The following AKAP13 variants were observed in gnomAD, a reference collection of about 807,000 sequenced individuals.
AKAP13 encodes the protein A-kinase anchoring protein 13.
In AKAP13, 80 loss-of-function variants were observed where a neutral mutation model predicts 264.5. The ratio of observed to expected loss-of-function variants is 0.30; its 90% CI spans 0.25 to 0.36. The LOEUF (loss-of-function observed/expected upper bound fraction) is 0.36. Ranked by LOEUF, AKAP13 falls within the 10% of genes least tolerant of loss-of-function variation. The probability of loss-of-function intolerance (pLI) is 1.00; values close to 1 mark genes in which losing one functional copy is unlikely to be tolerated. For synonymous variants in AKAP13, 1,380 were observed against 1,250.2 expected (o/e 1.10, Z -2.19); for missense variants, 3,712 against 3,435.2 (o/e 1.08, Z -2.01).
At chr15:85,505,075 A>G (rs1187290297) in intron 2 of AKAP13, among the ~76,000 whole-genome samples, 1 of 152,226 alleles carries the variant, frequency 6.6e-6, no homozygotes, top group East Asian at 1.9e-4. Context: ...CATTGAAACA[A>G]GAAGAACTTA....
chr15:85,439,264 A>T (rs1190178498), intron 1 of AKAP13, among the ~76,000 whole-genome samples: 5 of 145,928 alleles, frequency 3.4e-5, no homozygotes, highest in Admixed American at 1.4e-4. Flanking sequence ...TCAAAACCAC[A>T]ATGAGATACC....
At chr15:85,717,521 T>C (rs1434155702) in intron 21 of AKAP13, 119 bp downstream of exon 21, 2 of 724,352 alleles carry the variant, frequency 2.8e-6, no homozygotes, top group Non-Finnish European at 4.6e-6. Context: ...CCGTGAAGAT[T>C]CTCTAAATTG....
chr15:85,658,528 C>G lies in AKAP13; in HGVS notation c.4746-9C>G, dbSNP rs2083202010. The G allele has an allele frequency of 1.9e-6, 3 of 1,613,684 alleles. No homozygotes were observed. Among genetic ancestry groups the G allele is most frequent in the Non-Finnish European group, 2.5e-6 (3 of 1,179,770 alleles). ...CTGCAACACTGACCTCTTCACCATT[C>G]ATTTTCAGTTCAATGCGAGTTCTTG... is the stretch of plus-strand genomic sequence containing the variant. On this transcript the variant is annotated splice_polypyrimidine_tract_variant and intron_variant, in intron 11 of 36. Coordinates refer to ENST00000394518, the MANE Select transcript of AKAP13 (RefSeq NM_007200.5).
At chr15:85,652,330 G>T (rs1459192819) in intron 10 of AKAP13, among the ~76,000 whole-genome samples, 1 of 152,174 alleles carries the variant, frequency 6.6e-6, no homozygotes, top group Non-Finnish European at 1.5e-5. Flanking sequence ...ATCCTTCCAA[G>T]ATTGGATGCC....
intron 2 of AKAP13, among the ~76,000 whole-genome samples, chr15:85,517,820 A>C (rs557128319): frequency 6.6e-6 from 1 of 152,220 alleles, no homozygotes; most frequent in Non-Finnish European, 1.5e-5. Flanking sequence ...ATCTGTCAGC[A>C]AAACTAATTA....
chr15:85,398,273 T>C (rs752315795), intron 1 of AKAP13, among the ~76,000 whole-genome samples: 2 of 152,262 alleles, frequency 1.3e-5, no homozygotes, highest in Admixed American at 6.5e-5. Flanking sequence ...TTTCATGATT[T>C]ATGAAAGACA....
intron 5 of AKAP13, chr15:85,555,628 A>G (rs534175189): frequency 1.9e-6 from 1 of 525,126 alleles, no homozygotes; most frequent in Admixed American, 2.5e-5. Context: ...AGGATCAGAA[A>G]AGTGTTCTTC....
chr15:85,414,007 C>G (rs1165106127), intron 1 of AKAP13, among the ~76,000 whole-genome samples: 3 of 151,940 alleles, frequency 2.0e-5, no homozygotes, highest in Non-Finnish European at 4.4e-5. Flanking sequence ...TTTTTACCAC[C>G]TCAGTGGAAA....
Position 85,654,204 on chromosome 15 carries a change from A to G in AKAP13, c.4375-1213A>G, listed in dbSNP as rs1226793180. ...GCCAGTTCTCAGTGAAATGAGAAAA[A>G]TGTATAGCTTTCTTCCATTTAGATA... On this transcript the variant is annotated intron_variant, in intron 10 of 36. Transcript: ENST00000394518. 2.6e-5 allele frequency among the ~76,000 whole-genome samples: 4 copies of G among 152,362 alleles called. No homozygotes were observed. The East Asian group carries it at 5.8e-4, about 22-fold the overall frequency.
intron 5 of AKAP13, chr15:85,544,167 C>G: frequency 4.3e-6 from 3 of 693,466 alleles, no homozygotes; most frequent in Non-Finnish European, 7.8e-6. Context: ...ACCATTTTCT[C>G]TCTCGTCTGC....
Position 85,613,715 on chromosome 15 carries a change from A to ATATGTATGTATATATATATATATATATAT in AKAP13, c.4162-25659_4162-25658insTATGTATGTATATATATATATATATATAT, listed in dbSNP as rs1421387238. 1.8e-4 allele frequency among the ~76,000 whole-genome samples: 14 copies of ATATGTATGTATATATATATATATATATAT among 77,060 alleles called. No homozygotes were observed. The East Asian group carries it at 2.3e-3, about 13-fold the overall frequency. The allele number at this position is 77,060 out of a possible 152,430, so 50.6% of individuals were successfully genotyped here. ...AAATATATATATATATATATATATTAGGAGTGCTGATTGATGGACAGATGT... is the reference window on the plus strand; with the variant it reads ...AAATATATATATATATATATATATTATATGTATGTATATATATATATATATATATGGAGTGCTGATTGATGGACAGATGT... On this transcript the variant is annotated intron_variant, in intron 8 of 36. Transcript: ENST00000394518.
intron 17 of AKAP13, among the ~76,000 whole-genome samples, chr15:85,694,411 G>A (rs552697676): frequency 6.6e-6 from 1 of 152,274 alleles, no homozygotes; most frequent in Admixed American, 6.5e-5. Flanking sequence ...CAGTTGCAGT[G>A]CAAAAGCAGC....
chr15:85,669,401 T>A (rs183195373), intron 13 of AKAP13, among the ~76,000 whole-genome samples: 21 of 152,360 alleles, frequency 1.4e-4, no homozygotes, highest in Admixed American at 3.3e-4. Flanking sequence ...AGATATTTAT[T>A]AAGTACTTAC....
intron 5 of AKAP13, among the ~76,000 whole-genome samples, chr15:85,551,935 G>A (rs59462467): frequency 0.022 from 3,312 of 152,242 alleles, 103 homozygotes; most frequent in African/African-American, 0.073. Flanking sequence ...AGAATGACTT[G>A]AACATTTTAC....
At chr15:85,630,215 A>C (rs1380367006) in intron 8 of AKAP13, among the ~76,000 whole-genome samples, 7 of 81,032 alleles carry the variant, frequency 8.6e-5, no homozygotes, top group Admixed American at 1.2e-4. Flanking sequence ...ACACATCATG[A>C]ACTAAGATGG....
At chr15:85,530,255 T>G (rs2077205498) in intron 3 of AKAP13, among the ~76,000 whole-genome samples, 1 of 152,228 alleles carries the variant, frequency 6.6e-6, no homozygotes, top group Non-Finnish European at 1.5e-5. Flanking sequence ...AACAGTCATT[T>G]TAGCAATTCG....
intron 2 of AKAP13, among the ~76,000 whole-genome samples, chr15:85,498,201 T>TAG (rs1555435577): frequency 7.9e-5 from 1 of 12,584 alleles, no homozygotes; most frequent in African/African-American, 2.4e-4. Context: ...TGAAGTGAGA[T>TAG]ATATATATAT....
intron 1 of AKAP13, among the ~76,000 whole-genome samples, chr15:85,382,885 G>A (rs2070365033): frequency 6.6e-6 from 1 of 152,184 alleles, no homozygotes; most frequent in Admixed American, 6.5e-5. Flanking sequence ...ACTAACTGGG[G>A]ACCTGTCCAG....
chr15:85,434,027 A>G (rs2150932790), intron 1 of AKAP13, among the ~76,000 whole-genome samples: 1 of 152,162 alleles, frequency 6.6e-6, no homozygotes, highest in South Asian at 2.1e-4. Flanking sequence ...TGAGCGACGC[A>G]GAAGACGGGT....
Sources: allele counts gnomAD v4.1 joint callset (sites outside exome capture counted in the v4.1 genomes callset), GRCh38; gene constraint gnomAD v4.1.1; transcripts MANE v1.5; gene names NCBI Gene and HGNC (gene_info 2026-07-23, HGNC 2026-07-21).